The following CRB1 variants were observed in gnomAD, a reference collection of about 807,000 sequenced individuals.
CRB1 encodes crumbs cell polarity complex component 1.
A neutral mutation model predicts 120.0 loss-of-function variants in CRB1; 83 were observed. The observed-to-expected ratio is 0.69, with a 90% confidence interval of 0.58 to 0.83. The LOEUF is 0.83. Among genes scored for constraint, CRB1 ranks in the 40% least tolerant of loss-of-function variants. CRB1 has a pLI of 0.00. For missense variants in CRB1, 1,699 were observed against 1,687.6 expected (o/e 1.01, Z -0.12); for synonymous variants, 625 against 612.5 (o/e 1.02, Z -0.30).
At chr1:197,464,548 C>G (rs1043078482) in intron 11 of CRB1, among the ~76,000 whole-genome samples, 1 of 151,888 alleles carries the variant, frequency 6.6e-6, no homozygotes, top group East Asian at 1.9e-4. Flanking sequence ...CGCTGCACTG[C>G]AAAATTGAAG....
At chr1:197,319,957 T>TGG (rs1443167977) in intron 1 of CRB1, among the ~76,000 whole-genome samples, 2 of 152,190 alleles carry the variant, frequency 1.3e-5, no homozygotes, top group Non-Finnish European at 2.9e-5. Flanking sequence ...AGCATCCTCT[T>TGG]GGAGGATGAA....
chr1:197,333,010 A>T lies in CRB1; in HGVS notation c.652+4007A>T, dbSNP rs116383749. ...GCTCTGCCTCAACTTAGACCTCCTG[A>T]TGAATCCTGGAAACTGTATTACAAT... is the stretch of plus-strand genomic sequence containing the variant. On this transcript the variant is annotated intron_variant, in intron 2 of 11. Transcript: ENST00000367400. 3.3e-3 allele frequency among the ~76,000 whole-genome samples: 509 copies of T among 152,318 alleles called. 2 individuals carry two copies. The highest frequency in any genetic ancestry group is 5.9e-3 in the Non-Finnish European group (402 of 68,032).
In CRB1 at chr1:197,427,630, C is replaced by T. The variant is rs746307301; in HGVS notation, c.2305C>T (p.Arg769Cys). The T allele has an allele frequency of 9.9e-6, 16 of 1,613,890 alleles. No homozygotes were observed. The highest frequency in any genetic ancestry group is 1.6e-4 in the Middle Eastern group (1 of 6,062). Residue 769 changes from arginine to cysteine, a missense_variant, in exon 7 of 12, where the codon CGC becomes TGC. Arg to Cys is a radical substitution (Grantham distance 180). Coordinates refer to ENST00000367400, the MANE Select transcript of CRB1 (RefSeq NM_201253.3). ...TYQYIRVWLE[R>C]GRLAMLTPNS... Reference sequence around the variant, plus strand: ...TCAATATATCCGTGTCTGGCTAGAGCGCGGCAGACTAGCAATGCTGACTCC... The same window carrying T: ...TCAATATATCCGTGTCTGGCTAGAGTGCGGCAGACTAGCAATGCTGACTCC...
At chr1:197,319,942 A>G (rs1026724121) in intron 1 of CRB1, among the ~76,000 whole-genome samples, 1 of 152,180 alleles carries the variant, frequency 6.6e-6, no homozygotes, top group African/African-American at 2.4e-5. Flanking sequence ...TTATCCCACA[A>G]AATTAGCATC....
At chr1:197,348,369 T>G (rs1206211563) in intron 4 of CRB1, among the ~76,000 whole-genome samples, 3 of 152,220 alleles carry the variant, frequency 2.0e-5, no homozygotes, top group Admixed American at 2.0e-4. Flanking sequence ...TGACTCCATG[T>G]AGGCCTAGAC....
At chr1:197,230,694 T>C in the CRB1 span, among the ~76,000 whole-genome samples, 3 of 152,144 alleles carry the variant, frequency 2.0e-5, no homozygotes, top group Non-Finnish European at 4.4e-5. Flanking sequence ...AAAGATCCTT[T>C]AAAATCAATC....
At chr1:197,336,467 T>G (rs149433407) in intron 2 of CRB1, among the ~76,000 whole-genome samples, 49 of 152,310 alleles carry the variant, frequency 3.2e-4, no homozygotes, top group African/African-American at 1.1e-3. Context: ...GAAAAATGGT[T>G]GTTTTTATAT....
At chr1:197,406,687 C>T (rs1480308258) in intron 5 of CRB1, among the ~76,000 whole-genome samples, 1 of 152,084 alleles carries the variant, frequency 6.6e-6, no homozygotes, top group Non-Finnish European at 1.5e-5. Flanking sequence ...TTTAACATTT[C>T]AAATATTTCT....
At chr1:197,476,823 C>A (rs569656824) in intron 11 of CRB1, among the ~76,000 whole-genome samples, 2 of 152,204 alleles carry the variant, frequency 1.3e-5, no homozygotes, top group South Asian at 2.1e-4. Flanking sequence ...TTGAAAAAAT[C>A]AGTTTAAAAA....
intron 11 of CRB1, among the ~76,000 whole-genome samples, chr1:197,464,959 C>G (rs917498601): frequency 1.3e-5 from 2 of 152,106 alleles, no homozygotes; most frequent in Non-Finnish European, 2.9e-5. Context: ...GTCTTTTGAG[C>G]CTTTTGTAGC....
chr1:197,252,582 A>ATATATATATATGTG, the CRB1 span, among the ~76,000 whole-genome samples: 19 of 15,484 alleles, frequency 1.2e-3, no homozygotes, highest in Admixed American at 2.3e-3. Context: ...ATATATATAT[A>ATATATATATATGTG]TGTGTGTGTG....
At chr1:197,334,816 G>T (rs952625903) in intron 2 of CRB1, among the ~76,000 whole-genome samples, 1 of 152,162 alleles carries the variant, frequency 6.6e-6, no homozygotes, top group African/African-American at 2.4e-5. Context: ...AATGAATTGG[G>T]CATTGTTCTA....
chr1:197,403,088 T>C (rs1005946983), intron 5 of CRB1, among the ~76,000 whole-genome samples: 1 of 152,228 alleles, frequency 6.6e-6, no homozygotes, highest in Non-Finnish European at 1.5e-5. Flanking sequence ...GTTCTTGATG[T>C]TTTGTTATAA....
intron 1 of CRB1, among the ~76,000 whole-genome samples, chr1:197,309,727 C>A (rs989838706): frequency 6.6e-6 from 1 of 150,456 alleles, no homozygotes; most frequent in Admixed American, 6.7e-5. Context: ...GCACTCCAGC[C>A]TGATAACAGA....
intron 11 of CRB1, among the ~76,000 whole-genome samples, chr1:197,453,593 G>GAC (rs1666094768): frequency 7.0e-6 from 1 of 142,960 alleles, no homozygotes; most frequent in Non-Finnish European, 1.5e-5. Context: ...GAGAGAGAGA[G>GAC]AGAGACAAGG....
intron 1 of CRB1, among the ~76,000 whole-genome samples, chr1:197,268,878 A>G (rs551837075): frequency 2.6e-5 from 4 of 152,194 alleles, no homozygotes; most frequent in Non-Finnish European, 5.9e-5. Flanking sequence ...CCCACATACT[A>G]TATATTTATC....
intron 5 of CRB1, among the ~76,000 whole-genome samples, chr1:197,400,297 G>C (rs886576585): frequency 7.7e-5 from 11 of 142,144 alleles, no homozygotes. Context: ...GATTTTGAAT[G>C]TAAGAGCTTT....
chr1:197,342,432 T>C (rs913747469), intron 2 of CRB1, among the ~76,000 whole-genome samples: 8 of 152,196 alleles, frequency 5.3e-5, no homozygotes, highest in African/African-American at 1.7e-4. Flanking sequence ...AACTTTCCAG[T>C]AGTGGAAAGC....
At chr1:197,376,167 A>G (rs1661635985) in intron 5 of CRB1, among the ~76,000 whole-genome samples, 1 of 152,100 alleles carries the variant, frequency 6.6e-6, no homozygotes, top group African/African-American at 2.4e-5. Context: ...CTAGGATTCA[A>G]TCCTTAAACA....
Sources: gnomAD v4.1 joint callset for allele counts (sites outside exome capture counted in the v4.1 genomes callset) on GRCh38, gnomAD v4.1.1 for gene constraint, MANE v1.5 for transcripts, NCBI Gene and HGNC (gene_info 2026-07-23, HGNC 2026-07-21) for gene names.